The following ADD3 variants were observed in gnomAD, a reference collection of about 807,000 sequenced individuals.
The protein encoded by ADD3 is adducin 3.
ADD3 carries 25 observed loss-of-function variants against 80.2 expected under a neutral mutation model. That is an observed-to-expected ratio of 0.31 (90% confidence interval 0.23 to 0.44). The LOEUF is 0.44. Ranked by LOEUF, ADD3 falls within the 20% of genes least tolerant of loss-of-function variation. ADD3 has a pLI of 1.00. For synonymous variants in ADD3, 284 were observed against 289.6 expected (o/e 0.98, Z 0.20); for missense variants, 829 against 847.5 (o/e 0.98, Z 0.27).
intron 1 of ADD3, among the ~76,000 whole-genome samples, chr10:110,041,174 G>A (rs1856313773): frequency 6.6e-6 from 1 of 152,200 alleles, no homozygotes; most frequent in Admixed American, 6.5e-5. Flanking sequence ...ATTTTAAGTA[G>A]GTAGTTGAAC....
intron 2 of ADD3, chr10:110,106,104 A>C (rs1253278363): frequency 6.6e-6 from 1 of 151,166 alleles, no homozygotes. Flanking sequence ...TAATAACATA[A>C]TTATAGGGTG....
intron 2 of ADD3, among the ~76,000 whole-genome samples, chr10:110,104,499 G>A (rs1232628774): frequency 6.6e-6 from 1 of 152,146 alleles, no homozygotes; most frequent in Non-Finnish European, 1.5e-5. Context: ...TGTTTCTGCT[G>A]ATATAATTCT....
chr10:110,002,865 C>A (rs1377008964), upstream of ADD3, among the ~76,000 whole-genome samples: 2 of 152,100 alleles, frequency 1.3e-5, no homozygotes, highest in Admixed American at 6.5e-5. Context: ...TTAAAATAAA[C>A]CATATAGGTC....
upstream of ADD3, among the ~76,000 whole-genome samples, chr10:110,004,431 G>A (rs1043018745): frequency 6.6e-5 from 10 of 152,120 alleles, no homozygotes; most frequent in African/African-American, 2.2e-4. Context: ...GCTGAGGCAG[G>A]AGAATCGCCT....
At chr10:110,071,914 T>A (rs147906375) in intron 1 of ADD3, among the ~76,000 whole-genome samples, 1 of 144,182 alleles carries the variant, frequency 6.9e-6, no homozygotes, top group Non-Finnish European at 1.5e-5. Flanking sequence ...AAAAGCCTAT[T>A]TTGAACATTA....
rs376252112 is a variant in ADD3, at chr10:110,085,240, A to G, written c.-29-15385A>G. Among the ~76,000 whole-genome samples the G allele has an allele frequency of 2.0e-5, 3 of 152,362 alleles. No homozygotes were observed. In the East Asian group the frequency reaches 5.8e-4, roughly 29 times the overall value. ...AAATGCACCCACAAGCTTGCATGGCAGTTAATGTCCAACACAGTTCAAAAT... is the reference window on the plus strand; with the variant it reads ...AAATGCACCCACAAGCTTGCATGGCGGTTAATGTCCAACACAGTTCAAAAT... On this transcript the variant is annotated intron_variant, in intron 1 of 14. Transcript: ENST00000356080.
chr10:110,002,584 G>C (rs1851507864), upstream of ADD3, among the ~76,000 whole-genome samples: 1 of 152,208 alleles, frequency 6.6e-6, no homozygotes, highest in African/African-American at 2.4e-5. Flanking sequence ...GGAAACTAGT[G>C]ACCCTTAAGT....
intron 1 of ADD3, among the ~76,000 whole-genome samples, chr10:110,087,982 G>C (rs1847009884): frequency 1.3e-5 from 2 of 152,132 alleles, no homozygotes; most frequent in Admixed American, 1.3e-4. Context: ...ATGGTTCCCA[G>C]CTTGGTCCCT....
intron 1 of ADD3, among the ~76,000 whole-genome samples, chr10:110,029,388 ATTG>A (rs1395270702): frequency 1.3e-5 from 2 of 152,220 alleles, no homozygotes; most frequent in Non-Finnish European, 2.9e-5. Flanking sequence ...CAAATGGCAT[ATTG>A]TTCTTCTTCC....
chr10:110,007,588 G>A (rs892078946), upstream of ADD3, among the ~76,000 whole-genome samples: 11 of 152,162 alleles, frequency 7.2e-5, no homozygotes, highest in Non-Finnish European at 1.3e-4. Flanking sequence ...CTCCGGGGAC[G>A]CCGCGGATTC....
intron 1 of ADD3, among the ~76,000 whole-genome samples, chr10:110,013,497 A>G (rs1347789836): frequency 6.6e-6 from 1 of 152,130 alleles, no homozygotes; most frequent in East Asian, 1.9e-4. Flanking sequence ...TCAACCAGCT[A>G]GGAGGTAAAA....
chr10:110,009,419 G>T (rs539871652), intron 1 of ADD3, among the ~76,000 whole-genome samples: 1 of 152,122 alleles, frequency 6.6e-6, no homozygotes, highest in Non-Finnish European at 1.5e-5. Flanking sequence ...TAGTGAGAGT[G>T]TTTTTAAAGA....
chr10:110,135,369 A>G lies in ADD3; in HGVS notation c.*1751A>G, dbSNP rs11550113. 9.0e-3 allele frequency: 1,377 copies of G among 152,734 alleles called. 5 individuals carry two copies. The highest frequency in any genetic ancestry group is 0.016 in the Non-Finnish European group (1,101 of 68,034). The allele number at this position is 152,734 out of a possible 1,614,324, so 9.5% of individuals were successfully genotyped here. A position where few individuals can be genotyped will look rare whatever the true frequency, so the allele number is the denominator to read the frequency against. On this transcript the variant is annotated 3_prime_UTR_variant, in exon 15 of 15. Coordinates refer to ENST00000356080, the MANE Select transcript of ADD3 (RefSeq NM_016824.5). The stretch of plus-strand genomic sequence containing the variant: ...AAATATATATATCTAAATGAATGCA[A>G]TGTGCATAAATATTTTTTAAACATA...
intron 10 of ADD3, 26 bp downstream of exon 10, chr10:110,124,300 C>A (rs373370125): frequency 6.2e-7 from 1 of 1,601,336 alleles, no homozygotes; most frequent in African/African-American, 1.3e-5. Flanking sequence ...ATGTAGTTTG[C>A]CTTTACTAAA....
chr10:110,096,848 A>G (rs1488247729), intron 1 of ADD3, among the ~76,000 whole-genome samples: 1 of 152,140 alleles, frequency 6.6e-6, no homozygotes, highest in Non-Finnish European at 1.5e-5. Context: ...GTCTTTGAAA[A>G]ACGATGTACC....
intron 1 of ADD3, among the ~76,000 whole-genome samples, chr10:110,046,560 TA>T (rs1856935366): frequency 1.3e-5 from 2 of 152,138 alleles, no homozygotes; most frequent in South Asian, 4.1e-4. Context: ...GTGAAATTTT[TA>T]TAGAATGTAC....
chr10:110,040,427 A>G (rs1589833112), intron 1 of ADD3, among the ~76,000 whole-genome samples: 2 of 152,238 alleles, frequency 1.3e-5, no homozygotes, highest in Non-Finnish European at 2.9e-5. Context: ...TAGTTTGGCC[A>G]ATTAATATAT....
chr10:110,077,233 T>C (rs369225354), intron 1 of ADD3: 3 of 152,142 alleles, frequency 2.0e-5, no homozygotes, highest in East Asian at 1.9e-4. Flanking sequence ...TATTCTTCTT[T>C]GGGAGGAGCC....
intron 1 of ADD3, among the ~76,000 whole-genome samples, chr10:110,073,066 C>CA (rs1844936228): frequency 6.6e-6 from 1 of 151,318 alleles, no homozygotes; most frequent in African/African-American, 2.4e-5. Context: ...ATGAAAAAAT[C>CA]ACTGTTCGAC....
Sources: gnomAD v4.1 joint callset for allele counts (sites outside exome capture counted in the v4.1 genomes callset) on GRCh38, gnomAD v4.1.1 for gene constraint, MANE v1.5 for transcripts, NCBI Gene and HGNC (gene_info 2026-07-23, HGNC 2026-07-21) for gene names.